Variants in ABCA4 observed in about 807,000 individuals in gnomAD.
The protein encoded by ABCA4 is retinal-specific phospholipid-transporting ATPase ABCA4.
A neutral mutation model predicts 263.7 loss-of-function variants in ABCA4; 196 were observed. That is an observed-to-expected ratio of 0.74 (90% CI 0.66 to 0.84). The LOEUF (loss-of-function observed/expected upper bound fraction) is 0.84, where lower values mean the gene tolerates loss of function less well. Ranked by LOEUF, ABCA4 falls within the 40% of genes least tolerant of loss-of-function variation. The pLI, the probability that ABCA4 is intolerant of heterozygous loss-of-function variation, is 0.00. For missense variants in ABCA4, 2,792 were observed against 2,855.1 expected, an observed-to-expected ratio of 0.98 and a Z score of 0.50; for synonymous variants, 1,133 against 1,094.2, an observed-to-expected ratio of 1.04 and a Z score of -0.70.
intron 23 of ABCA4, 42 bp from the exon 24 acceptor site, chr1:94,040,169 T>C (rs780657212): frequency 2.7e-6 from 4 of 1,486,658 alleles, no homozygotes; most frequent in Non-Finnish European, 3.7e-6. Context: ...TGCACATCCC[T>C]TCCATGACAG....
chr1:94,049,132 T>C (rs972811898), intron 17 of ABCA4, among the ~76,000 whole-genome samples, 175 bp from the exon 18 acceptor site: 1 of 152,188 alleles, frequency 6.6e-6, no homozygotes, highest in Non-Finnish European at 1.5e-5. Flanking sequence ...GGAAGATTTA[T>C]AACAGGAGCT....
At chr1:94,108,215 C>T (rs1165467405) in intron 4 of ABCA4, among the ~76,000 whole-genome samples, 1 of 152,216 alleles carries the variant, frequency 6.6e-6, no homozygotes, top group African/African-American at 2.4e-5. Context: ...GGTTAGCTCT[C>T]GCTCTAGAAC....
At position 94,060,678 on chromosome 1, in the gene ABCA4, G is replaced by A; in HGVS notation, c.2019C>T (p.Ser673=). ...GTCGCAACTCCTTCTCCAAGACGAT[G>A]CTCTTCACAGTCATGGAGACAGAGT... The part of the protein sequence containing the change: ...WIYSVSMTVK[S]IVLEKELRLK... Residue 673 remains serine, a synonymous_variant, in exon 14 of 50, where the codon AGC becomes AGT. Transcript: ENST00000370225. 1.2e-6 allele frequency: 2 copies of A among 1,614,152 alleles called. No individual in the cohort carries two copies. The highest frequency in any genetic ancestry group is 1.7e-6 in the Non-Finnish European group (2 of 1,180,024).
chr1:94,043,833 T>A (rs902653528), intron 20 of ABCA4, among the ~76,000 whole-genome samples: 5 of 152,220 alleles, frequency 3.3e-5, no homozygotes, highest in Non-Finnish European at 7.3e-5. Context: ...TTCTTTATCA[T>A]TTTGAAGTAT....
chr1:94,012,143 T>A (rs1207965361), intron 38 of ABCA4, among the ~76,000 whole-genome samples: 1 of 152,178 alleles, frequency 6.6e-6, no homozygotes, highest in Non-Finnish European at 1.5e-5. Context: ...CCATTCCATC[T>A]GGCTCCTCCC....
intron 17 of ABCA4, 55 bp from the exon 18 acceptor site, chr1:94,049,012 A>C: frequency 6.3e-7 from 1 of 1,575,818 alleles, no homozygotes; most frequent in South Asian, 1.1e-5. Context: ...GAACGAGCAA[A>C]GGCAGGAAAG....
intron 11 of ABCA4, among the ~76,000 whole-genome samples, chr1:94,067,454 T>C (rs1221589125): frequency 1.3e-5 from 2 of 152,200 alleles, no homozygotes; most frequent in Non-Finnish European, 2.9e-5. Context: ...CCTACAATGA[T>C]ACCTTGATAA....
chr1:94,117,702 G>A (rs549395811), intron 1 of ABCA4, among the ~76,000 whole-genome samples: 21 of 152,214 alleles, frequency 1.4e-4, no homozygotes, highest in Non-Finnish European at 3.1e-4. Flanking sequence ...CAGCCCCGGT[G>A]CCTCCTCTGA....
In ABCA4 at chr1:94,046,997, T is replaced by C. The variant is rs1343910380; in HGVS notation, c.2840A>G (p.Asp947Gly). Residue 947 changes from aspartate to glycine, a missense_variant, in exon 19 of 50, where the codon GAC becomes GGC. Physicochemically the swap from Asp to Gly is moderately conservative, Grantham distance 94. Coordinates refer to ENST00000370225, the MANE Select transcript of ABCA4 (RefSeq NM_000350.3). The stretch of plus-strand genomic sequence containing the variant: ...CTCGTAGAAGGTGATGTTCAGACGG[T>C]CCACAGCTGGCCGGCCACAGGGCTC... ...IFEPCGRPAV[D>G]RLNITFYENQ... The C allele has an allele frequency of 3.7e-6, 6 of 1,614,012 alleles. No individual in the cohort carries two copies. In the South Asian group the frequency reaches 5.5e-5, roughly 15 times the overall value.
At chr1:94,107,307 C>T (rs1662460763) in intron 4 of ABCA4, among the ~76,000 whole-genome samples, 1 of 152,292 alleles carries the variant, frequency 6.6e-6, no homozygotes, top group African/African-American at 2.4e-5. Flanking sequence ...CCCAGAGCAG[C>T]CTTTCCTCAG....
At chr1:94,098,616 C>T (rs1190269867) in intron 6 of ABCA4, among the ~76,000 whole-genome samples, 178 bp downstream of exon 6, 3 of 152,132 alleles carry the variant, frequency 2.0e-5, no homozygotes, top group Non-Finnish European at 4.4e-5. Flanking sequence ...ACTTCTGGGT[C>T]CCTGGGCCAC....
chr1:94,076,910 G>A (rs1661550378), intron 11 of ABCA4, among the ~76,000 whole-genome samples: 1 of 152,206 alleles, frequency 6.6e-6, no homozygotes, highest in African/African-American at 2.4e-5. Flanking sequence ...AGAGAAATCA[G>A]AAAGGCAGGC....
chr1:94,109,058 C>T (rs773795602), intron 3 of ABCA4, among the ~76,000 whole-genome samples: 1 of 152,196 alleles, frequency 6.6e-6, no homozygotes, highest in Admixed American at 6.5e-5. Flanking sequence ...AGGCATGAGC[C>T]ACCGTGCTTG....
At chr1:94,095,252 A>T (rs1662091731) in intron 6 of ABCA4, among the ~76,000 whole-genome samples, 1 of 151,160 alleles carries the variant, frequency 6.6e-6, no homozygotes, top group Admixed American at 6.6e-5. Flanking sequence ...ACCGAGAGAA[A>T]ACACAGCTGG....
chr1:94,062,282 G>T (rs1661148502), intron 13 of ABCA4, among the ~76,000 whole-genome samples: 1 of 152,128 alleles, frequency 6.6e-6, no homozygotes, highest in Non-Finnish European at 1.5e-5. Flanking sequence ...TACATAGTGG[G>T]GAATTTGTCC....
At chr1:94,016,319 G>A (rs1659744145) in intron 36 of ABCA4, among the ~76,000 whole-genome samples, 1 of 152,222 alleles carries the variant, frequency 6.6e-6, no homozygotes, top group Admixed American at 6.5e-5. Flanking sequence ...AGGAGCCATG[G>A]TGATCAGGAG....
At chr1:94,061,840 G>C (rs942898595) in intron 13 of ABCA4, among the ~76,000 whole-genome samples, 1 of 152,242 alleles carries the variant, frequency 6.6e-6, no homozygotes, top group Non-Finnish European at 1.5e-5. Context: ...GTTATTAAAA[G>C]AGGGTTTCCT....
chr1:94,078,920 A>T (rs933506732), intron 9 of ABCA4, among the ~76,000 whole-genome samples: 2 of 152,160 alleles, frequency 1.3e-5, no homozygotes, highest in African/African-American at 4.8e-5. Flanking sequence ...GTATCTCAGA[A>T]GTCCATGTAA....
intron 26 of ABCA4, among the ~76,000 whole-genome samples, chr1:94,032,309 T>C (rs898668546): frequency 8.5e-5 from 13 of 152,158 alleles, no homozygotes; most frequent in Admixed American, 8.5e-4. Context: ...AGCATTGACA[T>C]GGAGAAGTTT....
Sources: allele counts gnomAD v4.1 joint callset (sites outside exome capture counted in the v4.1 genomes callset), GRCh38; gene constraint gnomAD v4.1.1; transcripts MANE v1.5; gene names NCBI Gene and HGNC (gene_info 2026-07-23, HGNC 2026-07-21).